The following FAM178B variants were observed in gnomAD, a reference collection of about 807,000 sequenced individuals.
FAM178B encodes the protein family with sequence similarity 178 member B, also known as protein FAM178B.
A neutral mutation model predicts 91.7 loss-of-function variants in FAM178B; 82 were observed. The ratio of observed to expected loss-of-function variants is 0.89; its 90% CI spans 0.75 to 1.07. The LOEUF is 1.07. FAM178B is among the 50% of genes least tolerant of loss of function. The pLI is 0.00. For missense variants in FAM178B, 769 were observed against 846.7 expected (o/e 0.91, Z 1.14); for synonymous variants, 368 against 359.4 (o/e 1.02, Z -0.27).
chr2:96,952,203 G>A (rs867220363), intron 6 of FAM178B, among the ~76,000 whole-genome samples: 6 of 152,124 alleles, frequency 3.9e-5, no homozygotes, highest in Admixed American at 1.3e-4. Context: ...CCAGCGTCTC[G>A]CGATCTGGTT....
At chr2:96,885,481 G>A (rs1172572572) in intron 14 of FAM178B, among the ~76,000 whole-genome samples, 1 of 152,258 alleles carries the variant, frequency 6.6e-6, no homozygotes, top group Non-Finnish European at 1.5e-5. Context: ...TGGTACTGAG[G>A]ACAGGGAGGG....
Position 96,879,388 on chromosome 2 carries a change from C to G in FAM178B, c.1777-895G>C, listed in dbSNP as rs984320291. Among the ~76,000 whole-genome samples the G allele has an allele frequency of 1.4e-4, 21 of 152,180 alleles. 1 individual carries two copies. The highest frequency in any genetic ancestry group is 4.6e-4 in the African/African-American group (19 of 41,434). On this transcript the variant is annotated intron_variant, in intron 14 of 16. Coordinates refer to ENST00000490605, the MANE Select transcript of FAM178B (RefSeq NM_001122646.3). ...TAGGCTGGAGCTCAGAACCAGCCCA[C>G]GGCCCCTGTGCCCCAGCTTCCCCTG... is the stretch of plus-strand genomic sequence containing the variant.
intron 9 of FAM178B, among the ~76,000 whole-genome samples, chr2:96,928,246 A>G (rs1422807009): frequency 1.3e-5 from 2 of 152,220 alleles, no homozygotes; most frequent in East Asian, 3.9e-4. Flanking sequence ...CAGCCCCTCC[A>G]GGCTTCAAAA....
intron 12 of FAM178B, among the ~76,000 whole-genome samples, chr2:96,906,882 C>A (rs2081066571): frequency 1.3e-5 from 2 of 152,228 alleles, no homozygotes; most frequent in African/African-American, 4.8e-5. Flanking sequence ...CAGAAGTCTG[C>A]ATCTGGGCTT....
At chr2:96,972,417 G>T in intron 2 of FAM178B, 95 bp from the exon 3 acceptor site, 1 of 1,480,242 alleles carries the variant, frequency 6.8e-7, no homozygotes, top group South Asian at 1.3e-5. Flanking sequence ...AAATGGGTGA[G>T]AGAACAACTT....
intron 4 of FAM178B, among the ~76,000 whole-genome samples, chr2:96,970,104 G>A (rs954601639): frequency 1.3e-5 from 2 of 152,154 alleles, no homozygotes; most frequent in African/African-American, 2.4e-5. Flanking sequence ...CCATGAAGAC[G>A]ACCCCTGTCT....
intron 13 of FAM178B, among the ~76,000 whole-genome samples, chr2:96,901,295 C>A (rs1465596228): frequency 2.6e-5 from 4 of 151,886 alleles, no homozygotes; most frequent in Admixed American, 2.6e-4. Flanking sequence ...GTCTCAGTCT[C>A]CCGAGTAGCT....
intron 13 of FAM178B, among the ~76,000 whole-genome samples, chr2:96,897,290 A>G (rs1388314446): frequency 4.1e-5 from 6 of 146,108 alleles, no homozygotes; most frequent in African/African-American, 8.4e-5. Flanking sequence ...CACATGGTAC[A>G]TGTCTAGTAA....
At chr2:96,885,663 C>T (rs976826640) in intron 14 of FAM178B, among the ~76,000 whole-genome samples, 1 of 152,156 alleles carries the variant, frequency 6.6e-6, no homozygotes, top group Admixed American at 6.5e-5. Context: ...TGCTGGAGGG[C>T]GGAGGGCTCC....
At chr2:96,929,130 T>C in intron 9 of FAM178B, 76 bp downstream of exon 9, 2 of 1,067,748 alleles carry the variant, frequency 1.9e-6, no homozygotes, top group Admixed American at 4.1e-5. Context: ...TGTATTCCAG[T>C]TCTGAGTGAC....
intron 5 of FAM178B, 61 bp downstream of exon 5, chr2:96,967,459 G>T: frequency 9.5e-7 from 1 of 1,057,658 alleles, no homozygotes; most frequent in Non-Finnish European, 1.4e-6. Context: ...TCCAAAACCA[G>T]AGGGGGTTGG....
chr2:96,905,818 GTATATATATA>G (rs1226987241), intron 12 of FAM178B, among the ~76,000 whole-genome samples: 670 of 34,058 alleles, frequency 0.02, 14 homozygotes, highest in Non-Finnish European at 0.025. Flanking sequence ...ATATATGTGT[GTATATATATA>G]TATATATATA....
chr2:96,959,581 C>T (rs2082051527), intron 6 of FAM178B, among the ~76,000 whole-genome samples: 1 of 152,286 alleles, frequency 6.6e-6, no homozygotes, highest in East Asian at 1.9e-4. Flanking sequence ...GCAAGGACAG[C>T]CCCTTCTCCA....
chr2:96,907,377 G>C (rs900440938), intron 12 of FAM178B, among the ~76,000 whole-genome samples: 42 of 152,306 alleles, frequency 2.8e-4, no homozygotes, highest in East Asian at 1.2e-3. Flanking sequence ...GGGGCTGGCT[G>C]AGGCTGGCTG....
Position 96,921,525 on chromosome 2 carries a change from G to A in FAM178B, c.1417C>T (p.Gln473Ter), listed in dbSNP as rs754435077. The change falls in exon 11 of 17, where the codon CAG (glutamine) becomes TAG (stop). Residue 473 changes from glutamine (Q) to a stop codon, truncating the protein, a stop_gained. Coordinates refer to ENST00000490605, the MANE Select transcript of FAM178B (RefSeq NM_001122646.3). LOFTEE classifies it high-confidence loss of function. ...TTCTCCAGGAGCAAGAGGAGAAGCT[G>A]CTGGAGGTCAACTTTGGGCAGCAGG... is the stretch of plus-strand genomic sequence containing the variant. ...LRLLPKVDLQ[Q>*]LLLLLLENIR... is the part of the protein sequence containing the mutation. 8.4e-6 allele frequency: 13 copies of A among 1,551,602 alleles called. No individual in the cohort carries two copies. The highest frequency in any genetic ancestry group is 1.1e-5 in the Non-Finnish European group (13 of 1,147,000).
At position 96,894,002 on chromosome 2, in the gene FAM178B, C is replaced by A; in HGVS notation, c.1700G>T (p.Arg567Met). ...LLGLMRPSSL[R>M]QYLDSVPLPP... ...CAAGGGCACAGAGTCCAGGTATTGC[C>A]TGAGAGATGATGGCCTCATGAGGCC... Residue 567 changes from arginine (R) to methionine (M), a missense_variant, in exon 14 of 17, where the codon AGG becomes ATG. By Grantham distance (91) the Arg-to-Met change is moderately conservative. Coordinates refer to ENST00000490605, the MANE Select transcript of FAM178B (RefSeq NM_001122646.3). 1 of 1,612,700 alleles carries A rather than the reference C, an allele frequency of 6.2e-7. No individual in the cohort carries two copies. The highest frequency in any genetic ancestry group is 1.1e-5 in the South Asian group (1 of 91,056).
At chr2:96,975,766 C>G (rs2082280359) in intron 1 of FAM178B, among the ~76,000 whole-genome samples, 1 of 152,214 alleles carries the variant, frequency 6.6e-6, no homozygotes, top group African/African-American at 2.4e-5. Flanking sequence ...ACATGTTACA[C>G]TAAATGTACC....
chr2:96,951,746 G>C (rs2081931367), intron 6 of FAM178B: 3 of 394,620 alleles, frequency 7.6e-6, no homozygotes, highest in South Asian at 7.4e-5. Context: ...CGGGTGGCTG[G>C]AGGCAGTGGC....
intron 14 of FAM178B, among the ~76,000 whole-genome samples, chr2:96,882,623 C>T: frequency 6.6e-6 from 1 of 152,218 alleles, no homozygotes; most frequent in Non-Finnish European, 1.5e-5. Flanking sequence ...AGGCTGCACT[C>T]CCTGCCTTAC....
Sources: gnomAD v4.1 joint callset for allele counts (sites outside exome capture counted in the v4.1 genomes callset) on GRCh38, gnomAD v4.1.1 for gene constraint, MANE v1.5 for transcripts, NCBI Gene and HGNC (gene_info 2026-07-23, HGNC 2026-07-21) for gene names.